PLCH2: variants seen among roughly 807,000 people sequenced by gnomAD.
PLCH2 encodes 1-phosphatidylinositol 4,5-bisphosphate phosphodiesterase eta-2.
Under a neutral mutation model 134.7 loss-of-function variants are expected in PLCH2, and 98 were observed. That is an observed-to-expected ratio of 0.73 (90% CI 0.62 to 0.86). PLCH2 has a LOEUF of 0.86. PLCH2 is among the 40% of genes least tolerant of loss of function. PLCH2 has a pLI of 0.00. For synonymous variants in PLCH2, 974 were observed against 827.5 expected (o/e 1.18, Z -3.04); for missense variants, 1,994 against 1,986.6 (o/e 1.00, Z -0.07).
At chr1:2,500,791 CT>C (rs1248467909) in intron 20 of PLCH2, 1 of 55,790 alleles carries the variant, frequency 1.8e-5, no homozygotes, top group Admixed American at 1.9e-4. Context: ...CCTCCCCTCC[CT>C]CAGTCCTCCC....
At chr1:2,481,277 G>T (rs1429017588) in intron 4 of PLCH2, among the ~76,000 whole-genome samples, 1 of 152,258 alleles carries the variant, frequency 6.6e-6, no homozygotes, top group Non-Finnish European at 1.5e-5. Context: ...TAGGGGCTGG[G>T]TGCTTGCAGA....
chr1:2,451,327 C>T (rs912485293), intron 2 of PLCH2, among the ~76,000 whole-genome samples: 1 of 152,214 alleles, frequency 6.6e-6, no homozygotes, highest in Non-Finnish European at 1.5e-5. Flanking sequence ...GAAGATCATA[C>T]GCAGTAGCGT....
In PLCH2 at chr1:2,449,263, G is replaced by A. The variant is rs187403033; in HGVS notation, c.115+18634G>A. Among the ~76,000 whole-genome samples the A allele has an allele frequency of 6.7e-3, 1,025 of 152,244 alleles. 10 individuals are homozygous for A. Among genetic ancestry groups the A allele is most frequent in the Admixed American group, 0.018 (276 of 15,296 alleles). On this transcript the variant is annotated intron_variant, in intron 2 of 3. Coordinates refer to the PLCH2 transcript ENST00000609981. ...CCCAGCACTTTGGGAGGCTGAGGCG[G>A]GTGGATCACCTGAGATCAGGAGTTC...
At chr1:2,497,875 G>A (rs1642984147) in intron 16 of PLCH2, 1 of 453,704 alleles carries the variant, frequency 2.2e-6, no homozygotes, top group Non-Finnish European at 4.0e-6. Context: ...CCCCACATGA[G>A]ATTCATGGCA....
In PLCH2 at chr1:2,448,542, C is replaced by T. The variant is rs547487835; in HGVS notation, c.115+17913C>T. ...CTTTCACTGAGCACGCCCTCAGAGA[C>T]CCTTTTTCCAAATAAGGCCAAATTC... On this transcript the variant is annotated intron_variant, in intron 2 of 3. Coordinates refer to the PLCH2 transcript ENST00000609981. This position sits in a 1 kb window ranked among gnomAD's most constrained non-coding sequence, Gnocchi z 4.0. Among the ~76,000 whole-genome samples the T allele has an allele frequency of 4.1e-4, 62 of 152,196 alleles. No homozygotes were observed. Among genetic ancestry groups the T allele is most frequent in the Non-Finnish European group, 7.3e-4 (50 of 68,034 alleles).
At chr1:2,466,586 G>A (rs1196767839), upstream of PLCH2, among the ~76,000 whole-genome samples, 3 of 152,234 alleles carry the variant, frequency 2.0e-5, no homozygotes, top group Non-Finnish European at 2.9e-5. Flanking sequence ...CCGGGCCTGC[G>A]TGCCTGCCTG....
intron 2 of PLCH2, among the ~76,000 whole-genome samples, chr1:2,437,624 A>G (rs1049939323): frequency 4.6e-5 from 7 of 152,200 alleles, no homozygotes; most frequent in Admixed American, 4.6e-4. Flanking sequence ...CTGGCTAAGC[A>G]GGGGCCATAG....
intron 1 of PLCH2, among the ~76,000 whole-genome samples, chr1:2,477,124 G>A (rs1179271162): frequency 6.6e-6 from 1 of 152,182 alleles, no homozygotes; most frequent in African/African-American, 2.4e-5. Flanking sequence ...GAGGAGACTG[G>A]CTGGGTATGG....
upstream of PLCH2, among the ~76,000 whole-genome samples, chr1:2,465,532 G>A (rs999862811): frequency 2.0e-5 from 3 of 152,146 alleles, no homozygotes; most frequent in Non-Finnish European, 4.4e-5. Flanking sequence ...AACTCCCTGG[G>A]GCCTGGCTCC....
At position 2,448,311 on chromosome 1, in the gene PLCH2, C is replaced by T. The variant is rs569074061; in HGVS notation, c.115+17682C>T. On this transcript the variant is annotated intron_variant, in intron 2 of 3. Transcript: ENST00000609981. The surrounding 1 kb of genome is among the most constrained non-coding windows in gnomAD (Gnocchi z 4.0). ...TGAGGTCAGGGTGTGGGTGGGGCCG[C>T]GCTCCCTCTGCAGGCTCCCCGGGAG... Among the ~76,000 whole-genome samples, 10 of 152,256 alleles carry T rather than the reference C, an allele frequency of 6.6e-5. No individual in the cohort carries two copies. In the South Asian group the frequency reaches 1.2e-3, roughly 19 times the overall value.
the PLCH2 span, among the ~76,000 whole-genome samples, chr1:2,419,693 C>A: frequency 6.6e-6 from 1 of 152,104 alleles, no homozygotes; most frequent in African/African-American, 2.4e-5. Context: ...TCCACAGACC[C>A]GGGGGCCAGC....
upstream of PLCH2, among the ~76,000 whole-genome samples, chr1:2,425,339 CCA>C (rs1002190250): frequency 4.6e-5 from 7 of 152,098 alleles, no homozygotes; most frequent in Non-Finnish European, 7.3e-5. Context: ...ATACACCCCC[CCA>C]CACACATTTT....
At chr1:2,469,449 G>A (rs973396592) in intron 1 of PLCH2, among the ~76,000 whole-genome samples, 5 of 152,240 alleles carry the variant, frequency 3.3e-5, no homozygotes, top group African/African-American at 1.2e-4. Flanking sequence ...AGATGGGCCA[G>A]TGTCCTGGGT....
intron 2 of PLCH2, among the ~76,000 whole-genome samples, chr1:2,456,097 C>G (rs2100570836): frequency 2.0e-5 from 3 of 152,350 alleles, no homozygotes; most frequent in Middle Eastern, 6.8e-3. Flanking sequence ...GCAGCATTGG[C>G]TGTGGGTGGC....
chr1:2,503,261 G>A, intron 21 of PLCH2: 1 of 561,634 alleles, frequency 1.8e-6, no homozygotes, highest in Non-Finnish European at 3.2e-6. Context: ...TGGGCGGCTG[G>A]CGACCTGCAT....
chr1:2,494,751 CCA>C (rs1642783003), intron 11 of PLCH2, 103 bp from the exon 12 acceptor site: 1 of 782,082 alleles, frequency 1.3e-6, no homozygotes, highest in Non-Finnish European at 2.2e-6. Flanking sequence ...TGGCTCAAGC[CCA>C]CCTCTTCCAG....
upstream of PLCH2, among the ~76,000 whole-genome samples, chr1:2,464,910 G>A (rs1235497520): frequency 6.6e-6 from 1 of 152,222 alleles, no homozygotes; most frequent in Admixed American, 6.5e-5. Flanking sequence ...ACTGAAGACG[G>A]GACCCTCAGG....
At chr1:2,435,044 G>A (rs565521074) in intron 2 of PLCH2, among the ~76,000 whole-genome samples, 2 of 152,276 alleles carry the variant, frequency 1.3e-5, no homozygotes, top group East Asian at 1.9e-4. Context: ...GCAGAACACC[G>A]GGGCGCAGGG....
At chr1:2,432,281 C>T (rs913860093) in intron 2 of PLCH2, among the ~76,000 whole-genome samples, 1 of 152,206 alleles carries the variant, frequency 6.6e-6, no homozygotes, top group Admixed American at 6.5e-5. Context: ...GGGGTCAGGT[C>T]CGCTTGGGAG....
Sources: allele counts gnomAD v4.1 joint callset (sites outside exome capture counted in the v4.1 genomes callset), GRCh38; gene constraint gnomAD v4.1.1; non-coding constraint Gnocchi (gnomAD v3.1); transcripts MANE v1.5; gene names NCBI Gene and HGNC (gene_info 2026-07-23, HGNC 2026-07-21).